The following PLCH1 variants were observed in gnomAD, a reference collection of about 807,000 sequenced individuals.
The protein encoded by PLCH1 is phospholipase C eta 1.
PLCH1 carries 60 observed loss-of-function variants against 126.7 expected under a neutral mutation model. That is an observed-to-expected ratio of 0.47 (90% confidence interval 0.38 to 0.59). The LOEUF (loss-of-function observed/expected upper bound fraction) is 0.59, where lower values mean the gene tolerates loss of function less well. Ranked by LOEUF, PLCH1 falls within the 20% of genes least tolerant of loss-of-function variation. The pLI is 0.00. For synonymous variants in PLCH1, 719 were observed against 734.9 expected (o/e 0.98, Z 0.35); for missense variants, 1,723 against 2,040.0 (o/e 0.84, Z 2.99).
intron 8 of PLCH1, among the ~76,000 whole-genome samples, chr3:155,562,530 C>G (rs1365874359): frequency 2.0e-5 from 3 of 152,142 alleles, no homozygotes; most frequent in African/African-American, 7.2e-5. Context: ...TCTGTCTTCA[C>G]TACTTCTCTA....
chr3:155,675,494 TC>T (rs1462411561), intron 2 of PLCH1, among the ~76,000 whole-genome samples: 1 of 152,238 alleles, frequency 6.6e-6, no homozygotes, highest in African/African-American at 2.4e-5. Context: ...CTTCTGCCAT[TC>T]TATTTTATAG....
chr3:155,689,070 G>A, intron 2 of PLCH1, among the ~76,000 whole-genome samples: 1 of 152,148 alleles, frequency 6.6e-6, no homozygotes, highest in East Asian at 1.9e-4. Context: ...GATTACAGGG[G>A]TGCTTGCATC....
chr3:155,523,014 G>C (rs953794529), intron 11 of PLCH1, among the ~76,000 whole-genome samples: 1 of 151,702 alleles, frequency 6.6e-6, no homozygotes, highest in Non-Finnish European at 1.5e-5. Context: ...TCGCTCTGTC[G>C]CCCAGGCTGG....
At chr3:155,682,350 C>T (rs1303947483) in intron 2 of PLCH1, among the ~76,000 whole-genome samples, 1 of 152,150 alleles carries the variant, frequency 6.6e-6, no homozygotes, top group African/African-American at 2.4e-5. Flanking sequence ...ATCAGGATTG[C>T]TTCAGAAAAT....
rs149251443 is a variant in PLCH1 at position 155,645,891 on chromosome 3, A to C, written c.80-49513T>G. ...GGCAAATGTTTTCATTGTTTTCCAA[A>C]GCAAAGAACTAGTGAGGCAGGTTAA... is the stretch of plus-strand genomic sequence containing the variant. On this transcript the variant is annotated intron_variant, in intron 2 of 22. Coordinates refer to ENST00000460012, the MANE Select transcript of PLCH1 (RefSeq NM_014996.4). Among the ~76,000 whole-genome samples, 1,190 of 152,298 alleles carry C rather than the reference A, an allele frequency of 7.8e-3. 16 individuals are homozygous for C. Among genetic ancestry groups the C allele is most frequent in the African/African-American group, 0.027 (1,135 of 41,552 alleles).
intron 3 of PLCH1, 42 bp from the exon 4 acceptor site, chr3:155,594,226 A>T: frequency 6.3e-7 from 1 of 1,575,496 alleles, no homozygotes; most frequent in Non-Finnish European, 8.7e-7. Flanking sequence ...CAGCAGGCAA[A>T]GATACTTCTT....
Position 155,492,736 on chromosome 3 carries a change from C to T in PLCH1, c.2300G>A (p.Arg767Gln), listed in dbSNP as rs1443172429. The T allele has an allele frequency of 3.8e-6, 6 of 1,578,104 alleles. No individual in the cohort carries two copies. The highest frequency in any genetic ancestry group is 2.4e-5 in the South Asian group (2 of 84,532). Residue 767 changes from arginine to glutamine, a missense_variant, in exon 18 of 23, where the codon CGA (arginine) becomes CAA (glutamine). Arg to Gln is a conservative substitution (Grantham distance 43). Around this residue, in one of 2 missense-constraint regions of PLCH1, gnomAD observed 776 missense variants for 1,062.9 expected, o/e 0.73. Transcript: ENST00000460012. ...PKPPDSMFGD[R>Q]GEIIDPFVEV... ...TAGTCATAGGCAACTTACCTCGCCT[C>T]GATCTCCAAACATGGAGTCTGGAGG...
chr3:155,638,753 T>G (rs529709631), intron 2 of PLCH1, among the ~76,000 whole-genome samples: 14 of 152,336 alleles, frequency 9.2e-5, no homozygotes, highest in African/African-American at 2.6e-4. Context: ...TCATGCAACA[T>G]TGCTGTTAGA....
chr3:155,490,108 C>T (rs1715951441), intron 19 of PLCH1, among the ~76,000 whole-genome samples: 1 of 152,122 alleles, frequency 6.6e-6, no homozygotes, highest in African/African-American at 2.4e-5. Context: ...TCCTTGTGAA[C>T]CCTTAATTTC....
chr3:155,469,431 A>G (rs958236379), intron 21 of PLCH1, among the ~76,000 whole-genome samples: 9 of 152,200 alleles, frequency 5.9e-5, no homozygotes, highest in Admixed American at 1.3e-4. Context: ...TCCTACGCCC[A>G]TGGAGTCTCG....
intron 1 of PLCH1, among the ~76,000 whole-genome samples, chr3:155,725,484 G>C (rs543277525): frequency 7.4e-6 from 1 of 134,598 alleles, no homozygotes; most frequent in Non-Finnish European, 1.5e-5. Context: ...GTCTCACTCT[G>C]TCCCCCAGGC....
At chr3:155,458,385 A>AGAAGGAAGGAAGGAAGGAAG in intron 21 of PLCH1, among the ~76,000 whole-genome samples, 1 of 38,864 alleles carries the variant, frequency 2.6e-5, no homozygotes, top group East Asian at 7.5e-4. Flanking sequence ...AAAGAAAGAA[A>AGAAGGAAGGAAGGAAGGAAG]GAAGGAAGGA....
chr3:155,707,496 C>T (rs1242463904), intron 1 of PLCH1, among the ~76,000 whole-genome samples: 1 of 152,070 alleles, frequency 6.6e-6, no homozygotes. Flanking sequence ...CAAAACCAGC[C>T]TGGCCAACAA....
At chr3:155,552,708 G>A (rs1017236647) in intron 9 of PLCH1, among the ~76,000 whole-genome samples, 2 of 152,210 alleles carry the variant, frequency 1.3e-5, no homozygotes, top group Non-Finnish European at 2.9e-5. Flanking sequence ...TAAGGGATAT[G>A]AAGACATGCC....
intron 2 of PLCH1, among the ~76,000 whole-genome samples, chr3:155,610,217 C>T (rs567272806): frequency 4.0e-5 from 6 of 151,704 alleles, no homozygotes; most frequent in Admixed American, 6.6e-5. Flanking sequence ...AAAAATTGGC[C>T]GGGCATGGTT....
chr3:155,669,754 G>A (rs1743210036), intron 2 of PLCH1, among the ~76,000 whole-genome samples: 1 of 152,118 alleles, frequency 6.6e-6, no homozygotes, highest in South Asian at 2.1e-4. Flanking sequence ...TGGTGTGAGA[G>A]GCACCTGTTT....
At chr3:155,733,683 A>G (rs567247416) in intron 1 of PLCH1, among the ~76,000 whole-genome samples, 1 of 152,246 alleles carries the variant, frequency 6.6e-6, no homozygotes, top group African/African-American at 2.4e-5. Flanking sequence ...TGACCCCAAA[A>G]GCACAATAAA....
chr3:155,527,655 C>T (rs1350506312), intron 10 of PLCH1, among the ~76,000 whole-genome samples: 3 of 151,672 alleles, frequency 2.0e-5, no homozygotes, highest in Non-Finnish European at 4.4e-5. Context: ...GTGGCTCACA[C>T]CTGTAACCCC....
At chr3:155,476,256 C>T (rs1029647143), downstream of PLCH1, among the ~76,000 whole-genome samples, 1 of 151,802 alleles carries the variant, frequency 6.6e-6, no homozygotes, top group Admixed American at 6.6e-5. Flanking sequence ...ATTTAACATC[C>T]CTTTATGATA....
Sources: allele counts gnomAD v4.1 joint callset (sites outside exome capture counted in the v4.1 genomes callset), GRCh38; gene constraint gnomAD v4.1.1; regional missense constraint gnomAD v4.1.1; transcripts MANE v1.5; gene names NCBI Gene and HGNC (gene_info 2026-07-23, HGNC 2026-07-21).